KIF26B: variants seen among roughly 807,000 people sequenced by gnomAD.
KIF26B encodes the protein kinesin family member 26B, also known as kinesin-like protein KIF26B.
In KIF26B, 63 loss-of-function variants were observed where a neutral mutation model predicts 151.2. That is an observed-to-expected ratio of 0.42 (90% CI 0.34 to 0.51). KIF26B has a LOEUF of 0.51. Ranked by LOEUF, KIF26B falls within the 20% of genes least tolerant of loss-of-function variation. The pLI, the probability that KIF26B is intolerant of heterozygous loss-of-function variation, is 0.07. For missense variants in KIF26B, 2,813 were observed against 2,913.6 expected, an observed-to-expected ratio of 0.97 and a Z score of 0.79; for synonymous variants, 1,357 against 1,262.1, an observed-to-expected ratio of 1.08 and a Z score of -1.59.
chr1:245,610,858 T>C (rs963750833), intron 8 of KIF26B, among the ~76,000 whole-genome samples: 6 of 152,262 alleles, frequency 3.9e-5, no homozygotes, highest in Non-Finnish European at 8.8e-5. Context: ...CCTCAGGTTC[T>C]AAATATTGGC....
chr1:245,501,960 C>T (rs1660630425), intron 4 of KIF26B, among the ~76,000 whole-genome samples: 1 of 152,160 alleles, frequency 6.6e-6, no homozygotes, highest in Non-Finnish European at 1.5e-5. Flanking sequence ...GAGAACTTGG[C>T]CATTCACCAT....
chr1:245,424,348 A>G (rs1180757796), intron 4 of KIF26B, among the ~76,000 whole-genome samples: 1 of 151,916 alleles, frequency 6.6e-6, no homozygotes, highest in Non-Finnish European at 1.5e-5. Context: ...GGGTTTCATC[A>G]TGTTGCCCAG....
At chr1:245,452,839 A>G (rs1659429741) in intron 4 of KIF26B, among the ~76,000 whole-genome samples, 1 of 152,148 alleles carries the variant, frequency 6.6e-6, no homozygotes, top group Admixed American at 6.5e-5. Flanking sequence ...ACAAACATTT[A>G]TCATATATAT....
chr1:245,195,527 A>T (rs866418028), intron 2 of KIF26B, among the ~76,000 whole-genome samples: 1 of 152,156 alleles, frequency 6.6e-6, no homozygotes, highest in South Asian at 2.1e-4. Context: ...ATTTTTCAGG[A>T]TTGACGGGGA....
At chr1:245,246,379 G>A (rs1437928430) in intron 2 of KIF26B, among the ~76,000 whole-genome samples, 1 of 152,212 alleles carries the variant, frequency 6.6e-6, no homozygotes, top group East Asian at 1.9e-4. Context: ...AGCATCAACA[G>A]CAAGGTGAAT....
At chr1:245,526,554 G>A (rs901780517) in intron 4 of KIF26B, among the ~76,000 whole-genome samples, 9 of 152,032 alleles carry the variant, frequency 5.9e-5, no homozygotes, top group African/African-American at 2.2e-4. Context: ...AGAATGAAAG[G>A]GGGGAAAAGA....
chr1:245,177,547 C>T (rs1015382887), intron 2 of KIF26B, among the ~76,000 whole-genome samples: 1 of 152,062 alleles, frequency 6.6e-6, no homozygotes, highest in Non-Finnish European at 1.5e-5. Context: ...GAGGTGACTT[C>T]CTGGCATCCT....
intron 3 of KIF26B, among the ~76,000 whole-genome samples, chr1:245,390,830 A>G (rs1187841157): frequency 2.1e-5 from 3 of 145,160 alleles, no homozygotes; most frequent in African/African-American, 7.5e-5. Flanking sequence ...ACATGCCTTT[A>G]GTCCAAACCA....
At chr1:245,297,960 C>G (rs966361134) in intron 2 of KIF26B, among the ~76,000 whole-genome samples, 1 of 152,166 alleles carries the variant, frequency 6.6e-6, no homozygotes, top group Non-Finnish European at 1.5e-5. Context: ...GATGTTGGCT[C>G]ACTGCAACCT....
intron 3 of KIF26B, among the ~76,000 whole-genome samples, chr1:245,407,482 T>C (rs1288379855): frequency 1.3e-5 from 2 of 152,208 alleles, no homozygotes; most frequent in Non-Finnish European, 2.9e-5. Flanking sequence ...TTCTTTTTGT[T>C]CTTTTTTCTC....
At chr1:245,290,477 G>T (rs1001723199) in intron 2 of KIF26B, among the ~76,000 whole-genome samples, 10 of 152,288 alleles carry the variant, frequency 6.6e-5, no homozygotes, top group African/African-American at 2.4e-4. Context: ...CTAAACAAGG[G>T]GTGGATTATT....
chr1:245,303,270 C>T (rs1364725298), intron 2 of KIF26B, among the ~76,000 whole-genome samples: 2 of 145,082 alleles, frequency 1.4e-5, no homozygotes, highest in African/African-American at 5.3e-5. Flanking sequence ...GCGATCTCGG[C>T]TCACTGCAAG....
At chr1:245,178,722 T>C (rs1248685575) in intron 2 of KIF26B, among the ~76,000 whole-genome samples, 2 of 152,250 alleles carry the variant, frequency 1.3e-5, no homozygotes, top group South Asian at 2.1e-4. Context: ...TTTCTACTAA[T>C]AGATCACCTG....
At position 245,708,915 on chromosome 1, in the gene KIF26B, A is replaced by G. The variant is rs1365976345; in HGVS notation, c.*6309A>G. 1 of 152,254 alleles carries G rather than the reference A, an allele frequency of 6.6e-6. No individual in the cohort carries two copies. Among genetic ancestry groups the G allele is most frequent in the Non-Finnish European group, 1.5e-5 (1 of 68,044 alleles). 9.4% of individuals were successfully genotyped at this position (152,254 alleles called of 1,614,324 possible). The stretch of plus-strand genomic sequence containing the variant: ...CAGGTGCATTTATTGTGCCAGAAAC[A>G]GTGAATTCCTAAATAAGTTCATAAA... On this transcript the variant is annotated 3_prime_UTR_variant, in exon 15 of 15. Transcript: ENST00000407071.
At chr1:245,623,278 T>G (rs2043685747) in intron 9 of KIF26B, among the ~76,000 whole-genome samples, 2 of 152,090 alleles carry the variant, frequency 1.3e-5, no homozygotes, top group South Asian at 4.2e-4. Context: ...TGAACTACTT[T>G]CAGTTTCTAG....
intron 7 of KIF26B, among the ~76,000 whole-genome samples, chr1:245,608,283 C>T (rs2043479292): frequency 6.6e-6 from 1 of 152,226 alleles, no homozygotes; most frequent in Non-Finnish European, 1.5e-5. Context: ...CCCACAGTCC[C>T]ATCTTACTTC....
At chr1:245,688,926 T>G in intron 12 of KIF26B, 119 bp downstream of exon 12, 1 of 1,283,778 alleles carries the variant, frequency 7.8e-7, no homozygotes. Flanking sequence ...GGCCTCTCCT[T>G]GCAGGTGGGC....
chr1:245,353,944 T>C (rs932836804), intron 2 of KIF26B: 6 of 152,622 alleles, frequency 3.9e-5, no homozygotes, highest in African/African-American at 1.2e-4. Context: ...TAGTTGTGAA[T>C]GTAGACCCCC....
chr1:245,439,302 G>A (rs2103046026), intron 4 of KIF26B, among the ~76,000 whole-genome samples: 1 of 142,682 alleles, frequency 7.0e-6, no homozygotes, highest in South Asian at 2.2e-4. Context: ...AGCCATGATT[G>A]TACCACTGTA....
Sources: allele counts gnomAD v4.1 joint callset (sites outside exome capture counted in the v4.1 genomes callset), GRCh38; gene constraint gnomAD v4.1.1; transcripts MANE v1.5; gene names NCBI Gene and HGNC (gene_info 2026-07-23, HGNC 2026-07-21).